Variants in PMM2 observed in about 807,000 individuals in gnomAD.
PMM2 encodes mannose-6-phosphate isomerase.
A neutral mutation model predicts 33.2 loss-of-function variants in PMM2; 35 were observed. That is an observed-to-expected ratio of 1.06 (90% CI 0.81 to 1.40). The LOEUF (loss-of-function observed/expected upper bound fraction) is 1.40. Ranked by LOEUF, PMM2 falls within the 40% of genes most tolerant of loss-of-function variation. PMM2 has a pLI of 0.00. For synonymous variants in PMM2, 153 were observed against 114.7 expected (o/e 1.33, Z -2.13); for missense variants, 386 against 306.0 (o/e 1.26, Z -1.95).
At chr16:8,813,607 G>A (rs36061464) in intron 7 of PMM2, among the ~76,000 whole-genome samples, 33,130 of 152,006 alleles carry the variant, frequency 0.22, 4,120 homozygotes, top group South Asian at 0.33. Context: ...CACACACGGC[G>A]GGTGCTTGGA....
intron 7 of PMM2, among the ~76,000 whole-genome samples, chr16:8,829,023 G>T (rs762288142): frequency 6.6e-6 from 1 of 152,044 alleles, no homozygotes; most frequent in African/African-American, 2.4e-5. Context: ...TATTGCCCAG[G>T]CTGGAGTGCA....
At chr16:8,823,511 C>A (rs2060749784) in intron 7 of PMM2, among the ~76,000 whole-genome samples, 1 of 152,142 alleles carries the variant, frequency 6.6e-6, no homozygotes, top group Non-Finnish European at 1.5e-5. Flanking sequence ...GACAAGTTTA[C>A]TTGCAAAATA....
intron 7 of PMM2, among the ~76,000 whole-genome samples, chr16:8,845,469 A>G (rs1184730072): frequency 1.3e-5 from 2 of 152,140 alleles, no homozygotes; most frequent in East Asian, 3.9e-4. Flanking sequence ...TAGGTGTTCT[A>G]GAAAGGTGTG....
At chr16:8,815,377 C>A (rs971346622) in intron 7 of PMM2, among the ~76,000 whole-genome samples, 2 of 152,086 alleles carry the variant, frequency 1.3e-5, no homozygotes, top group Admixed American at 1.3e-4. Flanking sequence ...ATTACAGGAG[C>A]CTGCCACCAC....
chr16:8,806,794 G>A (rs979893604), intron 4 of PMM2: 2 of 255,662 alleles, frequency 7.8e-6, no homozygotes, highest in Non-Finnish European at 1.5e-5. Context: ...AAGACCATAT[G>A]CTTTCAAAGG....
At chr16:8,813,857 CTT>C (rs148507269) in intron 7 of PMM2, among the ~76,000 whole-genome samples, 2 of 89,138 alleles carry the variant, frequency 2.2e-5, no homozygotes, top group East Asian at 3.3e-4. Context: ...TTTTCTTTCT[CTT>C]TTTTTTTTTT....
intron 7 of PMM2, among the ~76,000 whole-genome samples, chr16:8,815,995 T>TG (rs1555450022): frequency 1.3e-5 from 2 of 150,272 alleles, no homozygotes; most frequent in Non-Finnish European, 1.5e-5. Flanking sequence ...GCAAAGGACT[T>TG]GAATAGACAG....
chr16:8,805,053 TTTC>T (rs2060639277), intron 3 of PMM2, among the ~76,000 whole-genome samples: 1 of 152,214 alleles, frequency 6.6e-6, no homozygotes, highest in Non-Finnish European at 1.5e-5. Context: ...ATTTCTCTCT[TTTC>T]TTATTTTGTT....
intron 2 of PMM2, among the ~76,000 whole-genome samples, chr16:8,804,357 T>A (rs1160364340): frequency 1.3e-5 from 2 of 152,096 alleles, no homozygotes; most frequent in African/African-American, 4.8e-5. Context: ...AGAGCTTTTT[T>A]AAAAATATAT....
At chr16:8,837,655 G>A (rs1045972546) in intron 7 of PMM2, among the ~76,000 whole-genome samples, 1 of 151,836 alleles carries the variant, frequency 6.6e-6, no homozygotes, top group Non-Finnish European at 1.5e-5. Context: ...CATGGGGTTG[G>A]GGTACTTACC....
chr16:8,836,108 C>T (rs1392426385), intron 7 of PMM2, among the ~76,000 whole-genome samples: 1 of 151,596 alleles, frequency 6.6e-6, no homozygotes, highest in South Asian at 2.1e-4. Flanking sequence ...CGTCAATACC[C>T]ACAACAGTTA....
At chr16:8,805,941 A>C (rs1451431786) in intron 3 of PMM2, among the ~76,000 whole-genome samples, 5 of 152,328 alleles carry the variant, frequency 3.3e-5, no homozygotes, top group African/African-American at 1.2e-4. Flanking sequence ...TAGTAAGATC[A>C]TTCTATTCAG....
Position 8,804,876 on chromosome 16 carries a change from T to C in PMM2, c.255+33T>C, listed in dbSNP as rs537358925. 9.2e-5 allele frequency: 124 copies of C among 1,349,198 alleles called. No homozygotes were observed. The East Asian group carries it at 9.6e-4, about 10-fold the overall frequency. The allele number at this position is 1,349,198 out of a possible 1,614,324, so 83.6% of individuals were successfully genotyped here. The stretch of plus-strand genomic sequence containing the variant: ...CTTGAGTATCTGAATTACTATATAC[T>C]ATTAAAAGTGTTTTCTAAAAGGGCA... On this transcript the variant is annotated intron_variant, in intron 3 of 7. Transcript: ENST00000268261.
intron 7 of PMM2, chr16:8,832,162 C>T: frequency 3.0e-6 from 3 of 985,420 alleles, no homozygotes; most frequent in Non-Finnish European, 3.6e-6. Flanking sequence ...AAGAAGGCTG[C>T]ACCCCAGGAA....
intron 7 of PMM2, among the ~76,000 whole-genome samples, chr16:8,845,386 T>G (rs1045538490): frequency 1.1e-4 from 17 of 152,178 alleles, no homozygotes; most frequent in Admixed American, 7.9e-4. Context: ...TTTAGTTACT[T>G]CAGGCCATCT....
chr16:8,797,864 G>C lies in PMM2; in HGVS notation c.-19G>C. On this transcript the variant is annotated 5_prime_UTR_variant, in exon 1 of 8. Coordinates refer to ENST00000268261, the MANE Select transcript of PMM2 (RefSeq NM_000303.3). ...CTCGTGCCAACGTGTCTTGTAAGGT[G>C]CGGCTAGAAACTGGGGACATGGCAG... 1.2e-6 allele frequency: 2 copies of C among 1,610,302 alleles called. No individual in the cohort carries two copies. Among genetic ancestry groups the C allele is most frequent in the Non-Finnish European group, 1.7e-6 (2 of 1,178,630 alleles).
Position 8,813,017 on chromosome 16 carries a change from C to A in PMM2, c.550C>A (p.Pro184Thr), listed in dbSNP as rs1555449795. The A allele has an allele frequency of 1.2e-6, 2 of 1,613,078 alleles. No homozygotes were observed. The highest frequency in any genetic ancestry group is 1.7e-6 in the Non-Finnish European group (2 of 1,179,012). Residue 184 changes from proline (P) to threonine (T), a missense_variant, in exon 7 of 8, where the codon CCT becomes ACT. Transcript: ENST00000268261. ...AGGCCAGATCAGCTTTGATGTCTTTCCTGATGGATGGGACAAGAGATACTG... is the reference window on the plus strand; with the variant it reads ...AGGCCAGATCAGCTTTGATGTCTTTACTGATGGATGGGACAAGAGATACTG... ...IGGQISFDVF[P>T]DGWDKRYCLR...
At chr16:8,842,297 T>C (rs1405791014) in intron 7 of PMM2, 1 of 152,348 alleles carries the variant, frequency 6.6e-6, no homozygotes, top group African/African-American at 2.4e-5. Flanking sequence ...GGAGAGTAAA[T>C]GCTGAAGGAG....
Position 8,847,744 on chromosome 16 carries a change from C to A in PMM2, c.660C>A (p.Ile220=). The A allele has an allele frequency of 1.9e-6, 3 of 1,613,850 alleles. No homozygotes were observed. Among genetic ancestry groups the A allele is most frequent in the South Asian group, 1.1e-5 (1 of 91,082 alleles). ...TCCAGGGTGGCAATGACCATGAGAT[C>A]TTCACAGACCCCAGAACCATGGGCT... ...KTMPGGNDHE[I]FTDPRTMGYS... is the part of the protein sequence containing the mutation. The change falls in exon 8 of 8, where the codon ATC becomes ATA. Residue 220 remains isoleucine, a synonymous_variant. Transcript: ENST00000268261.
Sources: allele counts gnomAD v4.1 joint callset (sites outside exome capture counted in the v4.1 genomes callset), GRCh38; gene constraint gnomAD v4.1.1; transcripts MANE v1.5; gene names NCBI Gene and HGNC (gene_info 2026-07-23, HGNC 2026-07-21).